The following PANK1 variants were observed in gnomAD, a reference collection of about 807,000 sequenced individuals.
The protein encoded by PANK1 is pantothenic acid kinase 1.
In PANK1, 18 loss-of-function variants were observed where a neutral mutation model predicts 40.1. The ratio of observed to expected loss-of-function variants is 0.45; its 90% CI spans 0.31 to 0.67. PANK1 has a LOEUF of 0.67. Among genes scored for constraint, PANK1 ranks in the 30% least tolerant of loss-of-function variants. The probability of loss-of-function intolerance (pLI) is 0.06; values close to 1 mark genes in which losing one functional copy is unlikely to be tolerated. For missense variants in PANK1, 457 were observed against 599.6 expected (o/e 0.76, Z 2.48); for synonymous variants, 242 against 237.7 (o/e 1.02, Z -0.17).
intron 2 of PANK1, among the ~76,000 whole-genome samples, chr10:89,611,266 G>A (rs562491222): frequency 1.3e-5 from 2 of 152,326 alleles, no homozygotes; most frequent in East Asian, 3.9e-4. Context: ...TGGGTAGATA[G>A]AAGTAATCAT....
chr10:89,589,963 G>A (rs1467582139), intron 5 of PANK1, among the ~76,000 whole-genome samples: 2 of 149,282 alleles, frequency 1.3e-5, no homozygotes, highest in South Asian at 2.1e-4. Context: ...AGAAGGAGTA[G>A]AAGTGGCATT....
intron 1 of PANK1, chr10:89,613,849 T>C (rs1363651520): frequency 1.5e-5 from 6 of 391,058 alleles, no homozygotes; most frequent in East Asian, 7.2e-5. Flanking sequence ...CATGTTGTAA[T>C]AGGTAAAGCC....
chr10:89,644,022 C>T, intron 1 of PANK1: 1 of 379,912 alleles, frequency 2.6e-6, no homozygotes, highest in Non-Finnish European at 4.4e-6. Context: ...TGTGTCCCTC[C>T]CAAAAAACCC....
intron 1 of PANK1, chr10:89,643,866 T>G: frequency 1.4e-6 from 2 of 1,468,422 alleles, no homozygotes; most frequent in Non-Finnish European, 1.8e-6. Context: ...ATACAAGCTT[T>G]AGATTGTGAA....
At chr10:89,643,614 A>G in intron 1 of PANK1, 1 of 1,091,210 alleles carries the variant, frequency 9.2e-7, no homozygotes, top group Non-Finnish European at 1.4e-6. Flanking sequence ...ACAGAAATCC[A>G]AAACCTACTT....
At chr10:89,641,910 G>A (rs1174330744) in intron 1 of PANK1, among the ~76,000 whole-genome samples, 1 of 152,140 alleles carries the variant, frequency 6.6e-6, no homozygotes, top group African/African-American at 2.4e-5. Context: ...GAAGGTACAG[G>A]AAACAGCACT....
chr10:89,641,778 A>AAAATT (rs1564641153), intron 1 of PANK1, among the ~76,000 whole-genome samples: 2 of 150,734 alleles, frequency 1.3e-5, no homozygotes, highest in African/African-American at 4.8e-5. Flanking sequence ...TAAATAAAAT[A>AAAATT]AAAAAAAATC....
chr10:89,602,382 C>T (rs1281207422), intron 2 of PANK1, among the ~76,000 whole-genome samples: 1 of 152,216 alleles, frequency 6.6e-6, no homozygotes, highest in Admixed American at 6.5e-5. Flanking sequence ...GGTCATGCAT[C>T]CCCAGACAGG....
intron 3 of PANK1, among the ~76,000 whole-genome samples, chr10:89,596,745 G>A (rs2133937842): frequency 6.6e-6 from 1 of 152,326 alleles, no homozygotes; most frequent in South Asian, 2.1e-4. Flanking sequence ...CAACATCATA[G>A]TGGGGGATGT....
intron 2 of PANK1, among the ~76,000 whole-genome samples, chr10:89,606,612 C>T (rs2148311): frequency 0.55 from 82,694 of 151,708 alleles, 23,405 homozygotes; most frequent in South Asian, 0.63. Context: ...CAACCTCTGC[C>T]TCCTGGGCTC....
chr10:89,619,351 C>T (rs1845413886), intron 1 of PANK1, among the ~76,000 whole-genome samples: 1 of 151,946 alleles, frequency 6.6e-6, no homozygotes, highest in African/African-American at 2.4e-5. Context: ...CAGTGAACTC[C>T]AAATAGCCTA....
rs1389830859 is a variant in PANK1 at position 89,645,225 on chromosome 10, T to C, written c.-334A>G. ...CAGGCCGCGCGACTTCAAACGCGGC[T>C]TCCTCGCCTCCCAGACTGGTCCCCG... On this transcript the variant is annotated 5_prime_UTR_variant, in exon 1 of 7. Coordinates refer to ENST00000307534, the MANE Select transcript of PANK1 (RefSeq NM_148977.3). 1.5e-5 allele frequency: 24 copies of C among 1,599,728 alleles called. No individual in the cohort carries two copies. Among genetic ancestry groups the C allele is most frequent in the Non-Finnish European group, 1.8e-5 (21 of 1,173,962 alleles).
At chr10:89,638,948 C>T (rs1841897985) in intron 1 of PANK1, among the ~76,000 whole-genome samples, 1 of 152,222 alleles carries the variant, frequency 6.6e-6, no homozygotes, top group African/African-American at 2.4e-5. Context: ...GCAACATAGG[C>T]TTTTCATAGC....
intron 6 of PANK1, among the ~76,000 whole-genome samples, chr10:89,585,258 T>C (rs1345545142): frequency 6.6e-6 from 1 of 152,114 alleles, no homozygotes; most frequent in East Asian, 1.9e-4. Context: ...GCTAATCCCA[T>C]TCATGAAGGC....
At chr10:89,604,518 C>G (rs1844883690) in intron 2 of PANK1, among the ~76,000 whole-genome samples, 1 of 151,816 alleles carries the variant, frequency 6.6e-6, no homozygotes, top group Non-Finnish European at 1.5e-5. Context: ...ATGGTAAGAC[C>G]CTCGTTTCTA....
At position 89,593,900 on chromosome 10, in the gene PANK1, T is replaced by C; in HGVS notation, c.989A>G (p.Asp330Gly). ...CACCAGTTTATCAACATTGGTGCTG[T>C]CGCCTTTAGCTGCCATTTCCAGAGC... ...EEALEMAAKG[D>G]STNVDKLVKD... The change falls in exon 4 of 7, where the codon GAC becomes GGC. Residue 330 changes from aspartate to glycine, a missense_variant. Asp to Gly is a moderately conservative substitution (Grantham distance 94). Coordinates refer to ENST00000307534, the MANE Select transcript of PANK1 (RefSeq NM_148977.3). 6.2e-7 allele frequency: 1 copy of C among 1,613,718 alleles called. No individual in the cohort carries two copies. The highest frequency in any genetic ancestry group is 2.2e-5 in the East Asian group (1 of 44,884).
intron 1 of PANK1, among the ~76,000 whole-genome samples, chr10:89,630,947 G>T (rs1400451823): frequency 6.6e-6 from 1 of 152,220 alleles, no homozygotes; most frequent in Non-Finnish European, 1.5e-5. Context: ...CAGGAGGTTT[G>T]CTTGAGCCCA....
At chr10:89,592,142 C>T (rs1844411845) in intron 5 of PANK1, among the ~76,000 whole-genome samples, 1 of 152,208 alleles carries the variant, frequency 6.6e-6, no homozygotes, top group Non-Finnish European at 1.5e-5. Flanking sequence ...GTATCAGCCT[C>T]CCATTTAAAC....
chr10:89,580,852 A>T (rs1023340559), downstream of PANK1: 1 of 152,082 alleles, frequency 6.6e-6, no homozygotes, highest in Non-Finnish European at 1.5e-5. Context: ...ACATTTACAC[A>T]ATGTGTTCTC....
Sources: gnomAD v4.1 joint callset for allele counts (sites outside exome capture counted in the v4.1 genomes callset) on GRCh38, gnomAD v4.1.1 for gene constraint, MANE v1.5 for transcripts, NCBI Gene and HGNC (gene_info 2026-07-23, HGNC 2026-07-21) for gene names.